The following ANK2 variants were observed in gnomAD, a reference collection of about 807,000 sequenced individuals.
The protein encoded by ANK2 is ankyrin-2.
Under a neutral mutation model 360.5 loss-of-function variants are expected in ANK2, and 83 were observed. The observed-to-expected ratio is 0.23, with a 90% CI of 0.19 to 0.28. The LOEUF (loss-of-function observed/expected upper bound fraction) is 0.28, where lower values mean the gene tolerates loss of function less well. Among genes scored for constraint, ANK2 ranks in the 10% least tolerant of loss-of-function variants. ANK2 has a pLI of 1.00. For synonymous variants in ANK2, 1,740 were observed against 1,759.5 expected, an observed-to-expected ratio of 0.99 and a Z score of 0.28; for missense variants, 4,201 against 4,795.7, an observed-to-expected ratio of 0.88 and a Z score of 3.66.
chr4:112,726,307 A>G, the ANK2 span, among the ~76,000 whole-genome samples: 4 of 152,196 alleles, frequency 2.6e-5, no homozygotes, highest in African/African-American at 7.2e-5. Flanking sequence ...GCATCCTGGT[A>G]TGAATAAAAT....
chr4:112,899,527 T>C (rs78625848), intron 1 of ANK2, among the ~76,000 whole-genome samples: 2,184 of 152,294 alleles, frequency 0.014, 35 homozygotes, highest in African/African-American at 0.036. Flanking sequence ...CTCTGTAGGA[T>C]TGGGTACAAC....
intron 36 of ANK2, among the ~76,000 whole-genome samples, 182 bp from the exon 37 acceptor site, chr4:113,350,046 T>C (rs1275779708): frequency 6.6e-6 from 1 of 152,090 alleles, no homozygotes; most frequent in Non-Finnish European, 1.5e-5. Flanking sequence ...AAGGTTTTTT[T>C]CAAAGTCAGG....
At chr4:113,369,837 C>T (rs909473520) in intron 43 of ANK2, 32 bp downstream of exon 43, 8 of 1,613,510 alleles carry the variant, frequency 5.0e-6, no homozygotes, top group Non-Finnish European at 6.8e-6. Context: ...TCTCGCCCAC[C>T]TGTAACAAAG....
At chr4:112,829,825 G>C (rs930686039) in intron 1 of ANK2, among the ~76,000 whole-genome samples, 1 of 152,070 alleles carries the variant, frequency 6.6e-6, no homozygotes, top group African/African-American at 2.4e-5. Flanking sequence ...TGGGCGTGGT[G>C]GTGGGTACCT....
At chr4:113,173,110 C>T (rs2153223855) in intron 1 of ANK2, among the ~76,000 whole-genome samples, 1 of 152,340 alleles carries the variant, frequency 6.6e-6, no homozygotes, top group East Asian at 1.9e-4. Flanking sequence ...CACCTTTCAA[C>T]TCTTAATAAA....
At position 113,356,369 on chromosome 4, in the gene ANK2, C is replaced by T; in HGVS notation, c.7751C>T (p.Pro2584Leu). 1 of 1,614,042 alleles carries T rather than the reference C, an allele frequency of 6.2e-7. No individual in the cohort carries two copies. Among genetic ancestry groups the T allele is most frequent in the South Asian group, 1.1e-5 (1 of 91,070 alleles). The change falls in exon 38 of 46, where the codon CCT becomes CTT. Residue 2584 changes from proline to leucine, a missense_variant. Around this residue, in one of 4 missense-constraint regions of ANK2, gnomAD observed 2,642 missense variants for 2,714.5 expected, o/e 0.97. Transcript: ENST00000357077. ...SENGEKKRFT[P>L]EEEMFKMVTK... ...AACGGGGAGAAAAAGAGGTTCACACCTGAAGAGGAGATGTTTAAAATGGTA... is the reference window on the plus strand; with the variant it reads ...AACGGGGAGAAAAAGAGGTTCACACTTGAAGAGGAGATGTTTAAAATGGTA...
At chr4:113,225,555 G>A (rs2099208729) in intron 4 of ANK2, among the ~76,000 whole-genome samples, 1 of 152,210 alleles carries the variant, frequency 6.6e-6, no homozygotes, top group Admixed American at 6.5e-5. Flanking sequence ...AATAAAGGCT[G>A]AAAAGTTAAG....
the ANK2 span, among the ~76,000 whole-genome samples, chr4:112,804,764 C>T: frequency 3.9e-5 from 6 of 151,976 alleles, no homozygotes; most frequent in African/African-American, 9.6e-5. Context: ...AGACTCATCT[C>T]GGCAACACAG....
At chr4:113,267,609 A>G (rs193066547) in intron 14 of ANK2, among the ~76,000 whole-genome samples, 156 of 152,238 alleles carry the variant, frequency 1.0e-3, no homozygotes, top group African/African-American at 3.5e-3. Context: ...ATTGGTCTAT[A>G]TATCTGTTTT....
At chr4:112,759,601 TA>T in the ANK2 span, among the ~76,000 whole-genome samples, 1 of 152,140 alleles carries the variant, frequency 6.6e-6, no homozygotes, top group African/African-American at 2.4e-5. Context: ...TGTTGAGAGG[TA>T]GGGGGGTGAG....
At chr4:113,273,488 A>G (rs1202102662) in intron 14 of ANK2, among the ~76,000 whole-genome samples, 1 of 152,174 alleles carries the variant, frequency 6.6e-6, no homozygotes, top group Admixed American at 6.5e-5. Flanking sequence ...TTATAACTTT[A>G]AGATACTGCA....
At chr4:112,821,918 C>T (rs1475591095) in intron 1 of ANK2, among the ~76,000 whole-genome samples, 2 of 151,944 alleles carry the variant, frequency 1.3e-5, no homozygotes, top group Non-Finnish European at 2.9e-5. Flanking sequence ...CAGGTGTGTG[C>T]CACCACGCCC....
In ANK2 at chr4:113,355,661, C is replaced by G; in HGVS notation, c.7043C>G (p.Ala2348Gly). 1.2e-6 allele frequency: 2 copies of G among 1,614,110 alleles called. No homozygotes were observed. Among genetic ancestry groups the G allele is most frequent in the Non-Finnish European group, 1.7e-6 (2 of 1,179,984 alleles). The change falls in exon 38 of 46, where the codon GCC becomes GGC. Residue 2348 changes from alanine (A) to glycine (G), a missense_variant. Coordinates refer to ENST00000357077, the MANE Select transcript of ANK2 (RefSeq NM_001148.6). ...CCTACAGGACTGACTGAGGAGGCAG[C>G]CTGTGATGAAGGTCAACGTACCTTT... is the stretch of plus-strand genomic sequence containing the variant. ...ETPTGLTEEA[A>G]CDEGQRTFGS...
intron 4 of ANK2, among the ~76,000 whole-genome samples, chr4:113,211,344 C>T (rs551527598): frequency 2.0e-5 from 3 of 152,264 alleles, no homozygotes; most frequent in Admixed American, 6.5e-5. Context: ...CCTTCTTTCA[C>T]GTAATGTGCC....
At chr4:113,208,653 C>G (rs1247593391) in intron 4 of ANK2, among the ~76,000 whole-genome samples, 1 of 151,818 alleles carries the variant, frequency 6.6e-6, no homozygotes, top group Non-Finnish European at 1.5e-5. Context: ...AAACATGCAC[C>G]AACATGCTGA....
At chr4:113,299,643 T>C (rs994483491) in intron 22 of ANK2, among the ~76,000 whole-genome samples, 6 of 149,690 alleles carry the variant, frequency 4.0e-5, no homozygotes, top group Non-Finnish European at 5.9e-5. Context: ...AGGCGGAGGT[T>C]GCAGTGAGCT....
chr4:113,220,018 A>T (rs115079226), intron 4 of ANK2, among the ~76,000 whole-genome samples: 4,253 of 152,322 alleles, frequency 0.028, 99 homozygotes, highest in East Asian at 0.067. Context: ...CTGGTGGCTC[A>T]TTCATAACCA....
intron 2 of ANK2, among the ~76,000 whole-genome samples, chr4:112,949,597 T>C (rs1187325834): frequency 6.6e-6 from 1 of 152,198 alleles, no homozygotes; most frequent in African/African-American, 2.4e-5. Context: ...TAAATGACAT[T>C]GGAATATCTT....
At chr4:112,979,228 C>G (rs961315643) in intron 2 of ANK2, among the ~76,000 whole-genome samples, 6 of 152,168 alleles carry the variant, frequency 3.9e-5, no homozygotes, top group South Asian at 2.1e-4. Flanking sequence ...GGGGTCCGAC[C>G]ACTGCGCAGT....
Sources: allele counts gnomAD v4.1 joint callset (sites outside exome capture counted in the v4.1 genomes callset), GRCh38; gene constraint gnomAD v4.1.1; regional missense constraint gnomAD v4.1.1; transcripts MANE v1.5; gene names NCBI Gene and HGNC (gene_info 2026-07-23, HGNC 2026-07-21).